NKAIN2: variants seen among roughly 807,000 people sequenced by gnomAD.
NKAIN2 encodes the protein sodium/potassium transporting ATPase interacting 2.
In NKAIN2, 14 loss-of-function variants were observed where a neutral mutation model predicts 32.6. That is an observed-to-expected ratio of 0.43 (90% CI 0.28 to 0.67). The LOEUF is 0.67. Among genes scored for constraint, NKAIN2 ranks in the 30% least tolerant of loss-of-function variants. The pLI, the probability that NKAIN2 is intolerant of heterozygous loss-of-function variation, is 0.17. For synonymous variants in NKAIN2, 80 were observed against 87.2 expected (o/e 0.92, Z 0.46); for missense variants, 198 against 258.3 (o/e 0.77, Z 1.60).
intron 1 of NKAIN2, among the ~76,000 whole-genome samples, chr6:124,111,221 A>AT (rs1278470057): frequency 6.6e-6 from 1 of 151,788 alleles, no homozygotes; most frequent in African/African-American, 2.4e-5. Flanking sequence ...TGTCAGGTCC[A>AT]TTTTTTCTTT....
intron 4 of NKAIN2, among the ~76,000 whole-genome samples, chr6:124,768,718 T>G (rs553492854): frequency 6.6e-6 from 1 of 152,264 alleles, no homozygotes; most frequent in East Asian, 1.9e-4. Context: ...CATTCAAAAT[T>G]TTTGTACCTG....
At chr6:124,111,075 T>G (rs1785364067) in intron 1 of NKAIN2, among the ~76,000 whole-genome samples, 1 of 152,094 alleles carries the variant, frequency 6.6e-6, no homozygotes, top group Non-Finnish European at 1.5e-5. Context: ...TCATTTATTC[T>G]GGATTATGTA....
intron 2 of NKAIN2, among the ~76,000 whole-genome samples, chr6:124,307,014 A>G (rs1796531290): frequency 6.6e-6 from 1 of 152,152 alleles, no homozygotes; most frequent in African/African-American, 2.4e-5. Context: ...AGTTTTACCT[A>G]AATCATGCCT....
chr6:124,680,107 A>G (rs1773545863), intron 4 of NKAIN2, among the ~76,000 whole-genome samples: 1 of 152,208 alleles, frequency 6.6e-6, no homozygotes, highest in South Asian at 2.1e-4. Context: ...TTTCTACTAT[A>G]CTGAAAATTC....
chr6:124,199,697 G>T (rs1310475779), intron 1 of NKAIN2, among the ~76,000 whole-genome samples: 1 of 152,110 alleles, frequency 6.6e-6, no homozygotes, highest in Non-Finnish European at 1.5e-5. Context: ...ACAGTATGGG[G>T]TGCCACAATC....
intron 4 of NKAIN2, among the ~76,000 whole-genome samples, chr6:124,676,067 A>T (rs1377615314): frequency 6.6e-6 from 1 of 150,728 alleles, no homozygotes; most frequent in East Asian, 2.0e-4. Context: ...TTCCCTTTTG[A>T]TTTTTCCTTT....
At chr6:124,009,566 G>A (rs899935770) in intron 1 of NKAIN2, among the ~76,000 whole-genome samples, 1 of 152,120 alleles carries the variant, frequency 6.6e-6, no homozygotes, top group African/African-American at 2.4e-5. Context: ...GAGCTGCTGA[G>A]TGTTCACGTT....
intron 4 of NKAIN2, among the ~76,000 whole-genome samples, chr6:124,732,181 C>T (rs1776714954): frequency 6.6e-6 from 1 of 152,030 alleles, no homozygotes; most frequent in Admixed American, 6.6e-5. Flanking sequence ...GAAAGAGGCT[C>T]CATCTTCTCC....
chr6:124,265,096 T>C (rs1450087397), intron 1 of NKAIN2, among the ~76,000 whole-genome samples: 1 of 152,152 alleles, frequency 6.6e-6, no homozygotes, highest in East Asian at 1.9e-4. Flanking sequence ...TAGGAATAGA[T>C]CTAGATATGT....
chr6:124,227,956 G>T (rs1792210647), intron 1 of NKAIN2, among the ~76,000 whole-genome samples: 2 of 152,138 alleles, frequency 1.3e-5, no homozygotes, highest in South Asian at 4.1e-4. Flanking sequence ...GGAAATCAGG[G>T]TGCTAGCATG....
At chr6:124,564,958 T>C (rs760894908) in intron 3 of NKAIN2, among the ~76,000 whole-genome samples, 1 of 152,154 alleles carries the variant, frequency 6.6e-6, no homozygotes, top group Non-Finnish European at 1.5e-5. Flanking sequence ...GCTTTTATTG[T>C]TTAACAACTA....
chr6:124,403,272 ATTAT>A (rs1773706873), intron 3 of NKAIN2, among the ~76,000 whole-genome samples: 1 of 151,522 alleles, frequency 6.6e-6, no homozygotes, highest in African/African-American at 2.4e-5. Flanking sequence ...CCATTTTTAA[ATTAT>A]TTCTATATAG....
rs577297073 is a variant in NKAIN2 at position 124,726,374 on chromosome 6, C to A, written c.475-64965C>A. 5.3e-5 allele frequency among the ~76,000 whole-genome samples: 8 copies of A among 151,256 alleles called. No individual in the cohort carries two copies. In the East Asian group the frequency reaches 1.2e-3, roughly 22 times the overall value. ...AGCTAGAGATCTGAGAACGGGCAGA[C>A]TGCCTCCTCAAGTGGGTCCCTGACC... is the stretch of plus-strand genomic sequence containing the variant. On this transcript the variant is annotated intron_variant, in intron 4 of 6. Coordinates refer to ENST00000368417, the MANE Select transcript of NKAIN2 (RefSeq NM_001040214.3).
intron 1 of NKAIN2, among the ~76,000 whole-genome samples, chr6:124,254,051 G>A (rs1415733750): frequency 2.0e-5 from 3 of 151,586 alleles, no homozygotes; most frequent in East Asian, 2.0e-4. Context: ...TCTTGACCTC[G>A]TGATCCGCCC....
rs376472766 is a variant in NKAIN2, at chr6:123,888,122, C to A, written c.54+83868C>A. Among the ~76,000 whole-genome samples the A allele has an allele frequency of 2.0e-5, 3 of 152,036 alleles. No homozygotes were observed. The East Asian group carries it at 5.8e-4, about 29-fold the overall frequency. On this transcript the variant is annotated intron_variant, in intron 1 of 6. Transcript: ENST00000368417. ...TAAATGCTCTTTAAAATATAAATAT[C>A]TAGAGTAAAAACAATCTAGACAAAG...
At chr6:124,460,441 C>G (rs898771912) in intron 3 of NKAIN2, among the ~76,000 whole-genome samples, 7 of 151,758 alleles carry the variant, frequency 4.6e-5, no homozygotes, top group African/African-American at 1.4e-4. Context: ...AGTAACATAT[C>G]TTTGTCTTTG....
chr6:124,708,973 G>T (rs887137898), intron 4 of NKAIN2, among the ~76,000 whole-genome samples: 3 of 147,462 alleles, frequency 2.0e-5, no homozygotes, highest in African/African-American at 7.7e-5. Context: ...TTGGCTGTGG[G>T]TTTGTCATAG....
intron 3 of NKAIN2, among the ~76,000 whole-genome samples, chr6:124,436,468 A>G (rs1775449402): frequency 6.6e-6 from 1 of 152,188 alleles, no homozygotes; most frequent in Non-Finnish European, 1.5e-5. Flanking sequence ...TCATAATATC[A>G]ATAAGTGAGA....
intron 3 of NKAIN2, among the ~76,000 whole-genome samples, chr6:124,569,018 A>C (rs1781027205): frequency 6.6e-6 from 1 of 152,104 alleles, no homozygotes; most frequent in Non-Finnish European, 1.5e-5. Context: ...TGGAATCCTA[A>C]ATTAATCCTG....
Sources: allele counts gnomAD v4.1 joint callset (sites outside exome capture counted in the v4.1 genomes callset), GRCh38; gene constraint gnomAD v4.1.1; transcripts MANE v1.5; gene names NCBI Gene and HGNC (gene_info 2026-07-23, HGNC 2026-07-21).